Variants in CD109 observed in about 807,000 individuals in gnomAD.
CD109 encodes the protein CD109 molecule, also known as CD109 antigen.
A neutral mutation model predicts 165.8 loss-of-function variants in CD109; 149 were observed. The observed-to-expected ratio is 0.90, with a 90% CI of 0.79 to 1.03. The LOEUF (loss-of-function observed/expected upper bound fraction) is 1.03, where lower values mean the gene tolerates loss of function less well. CD109 is among the 50% of genes least tolerant of loss of function. CD109 has a pLI of 0.00. For synonymous variants in CD109, 585 were observed against 592.1 expected (o/e 0.99, Z 0.18); for missense variants, 1,712 against 1,677.8 (o/e 1.02, Z -0.36).
chr6:73,791,136 CATATATATATAT>C (rs61429872), intron 22 of CD109, among the ~76,000 whole-genome samples: 14 of 56,344 alleles, frequency 2.5e-4, no homozygotes, highest in African/African-American at 3.8e-4. Context: ...TACATACATA[CATATATATATAT>C]ATATATATAT....
At chr6:73,705,702 C>G (rs2150150337) in intron 2 of CD109, among the ~76,000 whole-genome samples, 1 of 152,144 alleles carries the variant, frequency 6.6e-6, no homozygotes, top group Non-Finnish European at 1.5e-5. Context: ...GAAAATGTCT[C>G]AGAAGCCAAG....
In CD109 at chr6:73,700,790, G is replaced by GTTTTTTTTTTT. The variant is rs58140668; in HGVS notation, c.247+3237_247+3247dup. Among the ~76,000 whole-genome samples the GTTTTTTTTTTT allele has an allele frequency of 2.3e-4, 12 of 51,480 alleles. 1 individual carries two copies. The highest frequency in any genetic ancestry group is 2.9e-4 in the Non-Finnish European group (8 of 27,716). The allele number at this position is 51,480 out of a possible 152,430, so 33.8% of individuals were successfully genotyped here. On this transcript the variant is annotated intron_variant, in intron 2 of 32. Coordinates refer to ENST00000287097, the MANE Select transcript of CD109 (RefSeq NM_133493.5). ...CTACATTTATTGGGGATTGATTGTA[G>GTTTTTTTTTTT]TTTTTTTTTTTTTTTTTTTTTTTTT...
intron 31 of CD109, among the ~76,000 whole-genome samples, chr6:73,818,763 C>T (rs754994039): frequency 3.3e-5 from 5 of 152,144 alleles, no homozygotes; most frequent in Admixed American, 3.3e-4. Context: ...GCCTTCATAA[C>T]TAAATCTTTA....
intron 17 of CD109, among the ~76,000 whole-genome samples, chr6:73,782,271 ATT>A (rs1774536310): frequency 6.6e-6 from 1 of 152,210 alleles, no homozygotes; most frequent in African/African-American, 2.4e-5. Flanking sequence ...CATGTGGTAC[ATT>A]TAGCTTTCCT....
chr6:73,692,232 C>T (rs1770703322), upstream of CD109, among the ~76,000 whole-genome samples: 1 of 152,102 alleles, frequency 6.6e-6, no homozygotes, highest in Non-Finnish European at 1.5e-5. Context: ...ACCTTAAAGA[C>T]AGCTCAGGAG....
intron 3 of CD109, among the ~76,000 whole-genome samples, chr6:73,728,553 C>G (rs375618166): frequency 6.6e-6 from 1 of 152,206 alleles, no homozygotes; most frequent in Admixed American, 6.5e-5. Context: ...ATCTTTCTAT[C>G]CATCCATTAG....
chr6:73,723,018 T>G, intron 2 of CD109: 1 of 405,792 alleles, frequency 2.5e-6, no homozygotes, highest in Non-Finnish European at 3.3e-6. Context: ...AACCTAATGT[T>G]TTTTGGGTTT....
At chr6:73,722,684 C>A (rs1042218482) in intron 2 of CD109, among the ~76,000 whole-genome samples, 3 of 152,182 alleles carry the variant, frequency 2.0e-5, no homozygotes, top group African/African-American at 7.2e-5. Context: ...TTATTTTTAA[C>A]ATGAAACCAT....
At chr6:73,789,460 T>A (rs779887564) in intron 22 of CD109, among the ~76,000 whole-genome samples, 12 of 55,586 alleles carry the variant, frequency 2.2e-4, no homozygotes, top group Non-Finnish European at 4.3e-4. Flanking sequence ...TGTCTGAGCA[T>A]TTTTTTTTTT....
intron 2 of CD109, among the ~76,000 whole-genome samples, chr6:73,722,520 G>A (rs908117230): frequency 3.9e-5 from 6 of 152,134 alleles, no homozygotes; most frequent in African/African-American, 1.4e-4. Context: ...GACCCATTTG[G>A]CTTCCTGGAG....
intron 5 of CD109, among the ~76,000 whole-genome samples, chr6:73,743,750 C>G (rs928814514): frequency 1.3e-5 from 2 of 152,190 alleles, no homozygotes; most frequent in African/African-American, 4.8e-5. Flanking sequence ...TGGAGCAAAA[C>G]TTTGACAGGT....
intron 2 of CD109, 111 bp downstream of exon 2, chr6:73,697,683 C>A: frequency 1.3e-6 from 1 of 797,432 alleles, no homozygotes; most frequent in South Asian, 2.0e-5. Flanking sequence ...CAGTATCTTA[C>A]CTAATATACT....
chr6:73,807,729 T>C (rs1414407305), intron 25 of CD109, among the ~76,000 whole-genome samples: 10 of 152,152 alleles, frequency 6.6e-5, no homozygotes, highest in Non-Finnish European at 1.5e-4. Context: ...TTTCCTGAAC[T>C]TAGGGCCGCA....
intron 30 of CD109, among the ~76,000 whole-genome samples, chr6:73,815,678 T>G (rs1775912189): frequency 6.6e-6 from 1 of 152,162 alleles, no homozygotes; most frequent in South Asian, 2.1e-4. Context: ...TCTTAAATTG[T>G]TCTATATCCA....
Position 73,823,603 on chromosome 6 carries a change from G to T in CD109, c.4308G>T (p.Lys1436Asn). 1 of 1,612,774 alleles carries T rather than the reference G, an allele frequency of 6.2e-7. No individual in the cohort carries two copies. The highest frequency in any genetic ancestry group is 8.5e-7 in the Non-Finnish European group (1 of 1,179,480). ...HSSVIFIFCF[K>N]LLYFMELWL ...CAGTCATTTTTATTTTCTGTTTCAA[G>T]CTTCTGTACTTTATGGAACTTTGGC... The change falls in exon 33 of 33, where the codon AAG becomes AAT. Residue 1436 changes from lysine to asparagine, a missense_variant. Physicochemically the swap from Lys to Asn is moderately conservative, Grantham distance 94 (BLOSUM62 0). Coordinates refer to ENST00000287097, the MANE Select transcript of CD109 (RefSeq NM_133493.5).
At chr6:73,795,804 G>GT (rs140384924) in intron 23 of CD109, among the ~76,000 whole-genome samples, 11,508 of 152,096 alleles carry the variant, frequency 0.076, 515 homozygotes, top group Middle Eastern at 0.12. Context: ...CCAAGGCTTG[G>GT]TTTTTTTACC....
At chr6:73,801,619 C>G (rs1238117941) in intron 23 of CD109, among the ~76,000 whole-genome samples, 4 of 152,084 alleles carry the variant, frequency 2.6e-5, no homozygotes, top group Non-Finnish European at 5.9e-5. Context: ...TGGAAAGACT[C>G]AGGGAGAAGT....
intron 6 of CD109, among the ~76,000 whole-genome samples, chr6:73,757,063 C>A (rs1347061487): frequency 2.0e-5 from 3 of 152,060 alleles, no homozygotes; most frequent in African/African-American, 7.2e-5. Context: ...CAGGTAAATC[C>A]TCTTCTTGCA....
chr6:73,821,132 G>T (rs531489873), intron 32 of CD109, among the ~76,000 whole-genome samples: 1 of 152,232 alleles, frequency 6.6e-6, no homozygotes, highest in Admixed American at 6.5e-5. Context: ...CACAGAGAGG[G>T]GATCATCACA....
Sources: allele counts gnomAD v4.1 joint callset (sites outside exome capture counted in the v4.1 genomes callset), GRCh38; gene constraint gnomAD v4.1.1; transcripts MANE v1.5; gene names NCBI Gene and HGNC (gene_info 2026-07-23, HGNC 2026-07-21).